Variants in SKAP1 observed in about 807,000 individuals in gnomAD.
SKAP1 encodes the protein src kinase-associated phosphoprotein 1.
SKAP1 carries 44 observed loss-of-function variants against 58.5 expected under a neutral mutation model. The ratio of observed to expected loss-of-function variants is 0.75; its 90% confidence interval spans 0.59 to 0.97. The LOEUF is 0.97. Ranked by LOEUF, SKAP1 falls within the 50% of genes least tolerant of loss-of-function variation. The probability of loss-of-function intolerance (pLI) is 0.00; values close to 1 mark genes in which losing one functional copy is unlikely to be tolerated. For missense variants in SKAP1, 390 were observed against 435.2 expected, an observed-to-expected ratio of 0.90 and a Z score of 0.92; for synonymous variants, 127 against 149.7, an observed-to-expected ratio of 0.85 and a Z score of 1.11.
chr17:48,414,356 G>T (rs184991022), intron 1 of SKAP1, among the ~76,000 whole-genome samples: 12 of 152,112 alleles, frequency 7.9e-5, no homozygotes, highest in Non-Finnish European at 1.5e-4. Context: ...AATGGCCCAG[G>T]CATGGGAACA....
upstream of SKAP1, among the ~76,000 whole-genome samples, chr17:48,431,406 C>A (rs1490052307): frequency 6.6e-5 from 10 of 152,188 alleles, no homozygotes; most frequent in Non-Finnish European, 1.5e-5. Context: ...ACACACCAGA[C>A]TTTGAAGGGG....
At chr17:48,304,782 T>C (rs2066113553) in intron 4 of SKAP1, among the ~76,000 whole-genome samples, 1 of 152,200 alleles carries the variant, frequency 6.6e-6, no homozygotes, top group South Asian at 2.1e-4. Context: ...GAATTCAAAG[T>C]AGTAACCCTA....
chr17:48,205,088 TTC>T (rs55806288), intron 4 of SKAP1, among the ~76,000 whole-genome samples: 77,659 of 137,412 alleles, frequency 0.57, 21,914 homozygotes, highest in East Asian at 0.66. Flanking sequence ...CTTTCTTTCC[TTC>T]TCTCTCTCTC....
At chr17:48,322,303 G>A (rs532565722) in intron 4 of SKAP1, among the ~76,000 whole-genome samples, 11 of 152,202 alleles carry the variant, frequency 7.2e-5, no homozygotes, top group Non-Finnish European at 1.5e-4. Flanking sequence ...AGCTTGCACA[G>A]GAAGAGACTG....
chr17:48,441,910 T>C, the SKAP1 span, among the ~76,000 whole-genome samples: 6 of 152,152 alleles, frequency 3.9e-5, no homozygotes, highest in African/African-American at 1.4e-4. Context: ...AACTCCATGA[T>C]CTCGAAAGGT....
chr17:48,171,734 A>AGTGTGTGTGTGT (rs3221423), intron 9 of SKAP1, among the ~76,000 whole-genome samples: 1,930 of 149,074 alleles, frequency 0.013, 19 homozygotes, highest in African/African-American at 0.028. Context: ...AGGATGTTAG[A>AGTGTGTGTGTGT]GTGTGTGTGT....
chr17:48,345,868 AT>A (rs2066715332), intron 4 of SKAP1, 36 bp downstream of exon 4: 1 of 1,401,428 alleles, frequency 7.1e-7, no homozygotes, highest in Non-Finnish European at 1.0e-6. Flanking sequence ...ATAATGAAGT[AT>A]GGTAGTCACC....
chr17:48,184,884 A>C (rs1407349134), intron 6 of SKAP1, 37 bp from the exon 7 acceptor site: 2 of 1,592,370 alleles, frequency 1.3e-6, no homozygotes, highest in Non-Finnish European at 1.7e-6. Flanking sequence ...CCCTAGAGAG[A>C]TGCAACTGCC....
chr17:48,417,978 T>TA (rs906923706), intron 1 of SKAP1, among the ~76,000 whole-genome samples: 62 of 150,680 alleles, frequency 4.1e-4, no homozygotes, highest in East Asian at 1.9e-3. Flanking sequence ...ACTGCTATGG[T>TA]AAAAAAAAAC....
At chr17:48,326,811 C>G (rs1037057871) in intron 4 of SKAP1, among the ~76,000 whole-genome samples, 1 of 151,932 alleles carries the variant, frequency 6.6e-6, no homozygotes, top group Non-Finnish European at 1.5e-5. Context: ...ATAAAGCTCT[C>G]CAATCTAAAA....
intron 10 of SKAP1, among the ~76,000 whole-genome samples, chr17:48,165,686 C>T (rs1386764245): frequency 6.6e-6 from 1 of 152,116 alleles, no homozygotes; most frequent in South Asian, 2.1e-4. Context: ...AGGCATGAAC[C>T]ACTGTGCCCG....
chr17:48,198,993 T>TC (rs1239612697), intron 4 of SKAP1, among the ~76,000 whole-genome samples: 1 of 152,098 alleles, frequency 6.6e-6, no homozygotes, highest in African/African-American at 2.4e-5. Context: ...ATCGACGTAT[T>TC]CCCCCTGAGT....
chr17:48,249,623 A>G (rs115030913), intron 4 of SKAP1, among the ~76,000 whole-genome samples: 2,812 of 152,060 alleles, frequency 0.018, 92 homozygotes, highest in African/African-American at 0.064. Flanking sequence ...GCTGTGAACC[A>G]TGATCATGCC....
In SKAP1 at chr17:48,406,472, C is replaced by T. The variant is rs182576124; in HGVS notation, c.47-9687G>A. Among the ~76,000 whole-genome samples, 1,137 of 150,914 alleles carry T rather than the reference C, an allele frequency of 7.5e-3. 17 individuals are homozygous for T. The highest frequency in any genetic ancestry group is 0.026 in the African/African-American group (1,086 of 41,124). ...AGGCTGGAGTGCAGTGGCACAATCA[C>T]GGCTCACTGCAGCCTCAACCTCCCG... is the stretch of plus-strand genomic sequence containing the variant. On this transcript the variant is annotated intron_variant, in intron 1 of 12. Transcript: ENST00000336915.
chr17:48,430,569 C>A (rs1385339069), upstream of SKAP1, among the ~76,000 whole-genome samples: 1 of 152,096 alleles, frequency 6.6e-6, no homozygotes, highest in African/African-American at 2.4e-5. Flanking sequence ...AGGCAGAATC[C>A]AAGGAAGAGA....
At chr17:48,139,849 C>T (rs1414422982) in intron 11 of SKAP1, among the ~76,000 whole-genome samples, 1 of 152,144 alleles carries the variant, frequency 6.6e-6, no homozygotes, top group Non-Finnish European at 1.5e-5. Context: ...CTTTCTTTCC[C>T]ATTAAAGTCG....
chr17:48,153,046 C>CAT (rs1271571922), intron 11 of SKAP1, among the ~76,000 whole-genome samples: 2 of 130,452 alleles, frequency 1.5e-5, no homozygotes, highest in African/African-American at 2.7e-5. Context: ...CACACACACA[C>CAT]ACATACATAC....
chr17:48,263,220 CAAGAA>C (rs961723713), intron 4 of SKAP1, among the ~76,000 whole-genome samples: 30 of 152,190 alleles, frequency 2.0e-4, no homozygotes, highest in African/African-American at 6.7e-4. Flanking sequence ...AAATAGGGTA[CAAGAA>C]ATACTGAAAG....
At chr17:48,395,128 T>C (rs1439264763) in intron 2 of SKAP1, among the ~76,000 whole-genome samples, 2 of 152,178 alleles carry the variant, frequency 1.3e-5, no homozygotes, top group Non-Finnish European at 2.9e-5. Flanking sequence ...CCATGACAAA[T>C]TCAGCTTGCG....
Sources: gnomAD v4.1 joint callset for allele counts (sites outside exome capture counted in the v4.1 genomes callset) on GRCh38, gnomAD v4.1.1 for gene constraint, MANE v1.5 for transcripts, NCBI Gene and HGNC (gene_info 2026-07-23, HGNC 2026-07-21) for gene names.